The following SLC25A21 variants were observed in gnomAD, a reference collection of about 807,000 sequenced individuals.
SLC25A21 encodes the protein mitochondrial 2-oxodicarboxylate carrier.
In SLC25A21, 47 loss-of-function variants were observed where a neutral mutation model predicts 43.8. The observed-to-expected ratio is 1.07, with a 90% CI of 0.85 to 1.37. The LOEUF is 1.37. Among genes scored for constraint, SLC25A21 ranks in the 40% most tolerant of loss-of-function variants. SLC25A21 has a pLI of 0.00. For missense variants in SLC25A21, 352 were observed against 350.2 expected (o/e 1.00, Z -0.04); for synonymous variants, 131 against 121.3 (o/e 1.08, Z -0.52).
Position 36,680,401 on chromosome 14 carries a change from C to A in SLC25A21, c.*257G>T. The A allele has an allele frequency of 9.1e-7, 1 of 1,100,372 alleles. No individual in the cohort carries two copies. Among genetic ancestry groups the A allele is most frequent in the Non-Finnish European group, 1.1e-6 (1 of 897,534 alleles). The allele number at this position is 1,100,372 out of a possible 1,614,324, so 68.2% of individuals were successfully genotyped here. A position where few individuals can be genotyped will look rare whatever the true frequency, so the allele number is the denominator to read the frequency against. ...ATTTTATGAAATAAATATATGATTT[C>A]TATGCTATTTTTCTATATTCACTTT... On this transcript the variant is annotated 3_prime_UTR_variant, in exon 10 of 10. Transcript: ENST00000331299.
intron 6 of SLC25A21, among the ~76,000 whole-genome samples, chr14:36,711,921 A>G (rs904978886): frequency 6.6e-6 from 1 of 152,204 alleles, no homozygotes; most frequent in African/African-American, 2.4e-5. Flanking sequence ...TGTTTTTCTA[A>G]AGCTAATGTT....
intron 1 of SLC25A21, among the ~76,000 whole-genome samples, chr14:36,933,593 A>G (rs1454768277): frequency 1.3e-5 from 2 of 152,180 alleles, no homozygotes; most frequent in Non-Finnish European, 2.9e-5. Context: ...TGGCTAAAAT[A>G]CTCAAAGCTA....
intron 2 of SLC25A21, among the ~76,000 whole-genome samples, chr14:36,865,698 G>A (rs776087065): frequency 2.6e-5 from 4 of 152,140 alleles, no homozygotes; most frequent in African/African-American, 4.8e-5. Context: ...GTCTGGGTTC[G>A]CTGCATAAGA....
intron 2 of SLC25A21, among the ~76,000 whole-genome samples, chr14:36,842,688 A>G (rs1889422302): frequency 6.6e-6 from 1 of 152,162 alleles, no homozygotes; most frequent in Non-Finnish European, 1.5e-5. Flanking sequence ...GAAGATCACC[A>G]CCTTTGATAT....
At chr14:36,953,335 T>TAACA (rs1959238298) in intron 1 of SLC25A21, among the ~76,000 whole-genome samples, 2 of 152,202 alleles carry the variant, frequency 1.3e-5, no homozygotes, top group Non-Finnish European at 2.9e-5. Flanking sequence ...ACATTGTTTA[T>TAACA]AACATAAAGA....
intron 1 of SLC25A21, among the ~76,000 whole-genome samples, chr14:37,125,362 C>T (rs1047772007): frequency 5.3e-5 from 8 of 152,178 alleles, no homozygotes; most frequent in Admixed American, 3.9e-4. Context: ...AGTCTACAAT[C>T]CACAAGCCCC....
intron 1 of SLC25A21, among the ~76,000 whole-genome samples, chr14:37,138,022 T>C (rs773464246): frequency 6.6e-6 from 1 of 152,208 alleles, no homozygotes; most frequent in Non-Finnish European, 1.5e-5. Context: ...CCTTTTTGCC[T>C]TCATTTTGCC....
At chr14:37,016,872 C>T (rs937025356) in intron 1 of SLC25A21, among the ~76,000 whole-genome samples, 10 of 152,082 alleles carry the variant, frequency 6.6e-5, no homozygotes, top group African/African-American at 2.4e-4. Context: ...CCAATCTCTG[C>T]TGGCTTCAAA....
At chr14:36,753,095 A>G (rs543047394) in intron 3 of SLC25A21, among the ~76,000 whole-genome samples, 2 of 152,288 alleles carry the variant, frequency 1.3e-5, no homozygotes, top group South Asian at 2.1e-4. Flanking sequence ...GAGAGGTTTA[A>G]TGGGTTCAGA....
chr14:37,134,227 G>A (rs1005351479), intron 1 of SLC25A21, among the ~76,000 whole-genome samples: 3 of 152,138 alleles, frequency 2.0e-5, no homozygotes, highest in African/African-American at 7.2e-5. Context: ...AGACTTGAAG[G>A]TTGATGGTTC....
intron 2 of SLC25A21, among the ~76,000 whole-genome samples, chr14:36,834,327 G>A (rs1889134838): frequency 6.6e-6 from 1 of 152,086 alleles, no homozygotes; most frequent in African/African-American, 2.4e-5. Context: ...ATTAAGTTCT[G>A]GAATATGGTA....
intron 3 of SLC25A21, among the ~76,000 whole-genome samples, chr14:36,771,797 C>T (rs1886630262): frequency 1.3e-5 from 2 of 151,462 alleles, no homozygotes; most frequent in African/African-American, 4.9e-5. Flanking sequence ...ATTAAAAGGG[C>T]ATTTTAACAT....
intron 1 of SLC25A21, among the ~76,000 whole-genome samples, chr14:37,048,203 T>A (rs551781685): frequency 6.6e-6 from 1 of 152,090 alleles, no homozygotes; most frequent in Non-Finnish European, 1.5e-5. Flanking sequence ...AAGAAAAACG[T>A]TGAGAAAAAA....
At chr14:36,749,989 G>T (rs1885642924) in intron 3 of SLC25A21, among the ~76,000 whole-genome samples, 1 of 152,112 alleles carries the variant, frequency 6.6e-6, no homozygotes, top group East Asian at 1.9e-4. Flanking sequence ...CTCCATGAGG[G>T]TATGGCAGGG....
chr14:36,865,365 G>A (rs540151866), intron 2 of SLC25A21, among the ~76,000 whole-genome samples: 102 of 151,826 alleles, frequency 6.7e-4, no homozygotes, highest in Non-Finnish European at 1.3e-3. Context: ...CAATATACTC[G>A]CTCCTTTCCC....
At chr14:36,704,656 CAAAAAA>C (rs758402770) in intron 7 of SLC25A21, among the ~76,000 whole-genome samples, 4 of 104,596 alleles carry the variant, frequency 3.8e-5, no homozygotes, top group African/African-American at 1.4e-4. Context: ...GACTCCGTCT[CAAAAAA>C]AAAAAAAAAC....
intron 1 of SLC25A21, among the ~76,000 whole-genome samples, chr14:37,170,232 C>T (rs1351921788): frequency 6.6e-6 from 1 of 151,134 alleles, no homozygotes; most frequent in Non-Finnish European, 1.5e-5. Flanking sequence ...AACGGGGTTT[C>T]ACCATGTTGG....
intron 1 of SLC25A21, among the ~76,000 whole-genome samples, chr14:37,062,095 T>C (rs1961959827): frequency 6.6e-6 from 1 of 152,218 alleles, no homozygotes; most frequent in Non-Finnish European, 1.5e-5. Context: ...GCAGTCTAAA[T>C]AAAACACTGA....
intron 1 of SLC25A21, among the ~76,000 whole-genome samples, chr14:37,114,791 G>C (rs1040620900): frequency 1.3e-5 from 2 of 151,860 alleles, no homozygotes; most frequent in African/African-American, 2.4e-5. Flanking sequence ...TTTATGGCGG[G>C]GGGGGAATTG....
Sources: gnomAD v4.1 joint callset for allele counts (sites outside exome capture counted in the v4.1 genomes callset) on GRCh38, gnomAD v4.1.1 for gene constraint, MANE v1.5 for transcripts, NCBI Gene and HGNC (gene_info 2026-07-23, HGNC 2026-07-21) for gene names.